Variants in ADAMTS17 observed in about 807,000 individuals in gnomAD.
ADAMTS17 encodes the protein A disintegrin and metalloproteinase with thrombospondin motifs 17.
In ADAMTS17, 113 loss-of-function variants were observed where a neutral mutation model predicts 141.5. That is an observed-to-expected ratio of 0.80 (90% confidence interval 0.69 to 0.93). ADAMTS17 has a LOEUF of 0.93. Ranked by LOEUF, ADAMTS17 falls within the 40% of genes least tolerant of loss-of-function variation. The pLI is 0.00. For synonymous variants in ADAMTS17, 768 were observed against 630.6 expected (o/e 1.22, Z -3.27); for missense variants, 1,659 against 1,517.9 (o/e 1.09, Z -1.54).
intron 18 of ADAMTS17, among the ~76,000 whole-genome samples, chr15:100,044,037 C>T (rs1452338827): frequency 2.0e-5 from 3 of 152,340 alleles, no homozygotes; most frequent in South Asian, 4.1e-4. Context: ...TTCAGTTTTG[C>T]AGTGCAGCAT....
intron 18 of ADAMTS17, among the ~76,000 whole-genome samples, chr15:100,011,007 C>G (rs2061155342): frequency 6.6e-6 from 1 of 151,990 alleles, no homozygotes; most frequent in Non-Finnish European, 1.5e-5. Context: ...GTGCGCGTCT[C>G]CGGAAGCCGG....
chr15:100,183,169 A>T (rs2141542386), intron 8 of ADAMTS17, among the ~76,000 whole-genome samples: 1 of 152,180 alleles, frequency 6.6e-6, no homozygotes, highest in East Asian at 1.9e-4. Context: ...TTGTATTTTT[A>T]GTAAAGACGG....
At chr15:100,078,059 A>G (rs1596362040) in intron 15 of ADAMTS17, among the ~76,000 whole-genome samples, 3 of 152,364 alleles carry the variant, frequency 2.0e-5, no homozygotes, top group Admixed American at 2.0e-4. Context: ...AGGGTTTGTA[A>G]GATGAAGACT....
intron 15 of ADAMTS17, among the ~76,000 whole-genome samples, chr15:100,073,158 A>G (rs1360609029): frequency 6.6e-6 from 1 of 152,246 alleles, no homozygotes; most frequent in Non-Finnish European, 1.5e-5. Context: ...AGACACGTGA[A>G]AAAATGCTCA....
At chr15:100,132,273 G>T in intron 11 of ADAMTS17, 121 bp from the exon 12 acceptor site, 1 of 1,356,500 alleles carries the variant, frequency 7.4e-7, no homozygotes, top group Non-Finnish European at 1.0e-6. Context: ...TAAAGGTACA[G>T]TCTATTTCAG....
At chr15:100,198,816 G>A (rs1199323646) in intron 8 of ADAMTS17, among the ~76,000 whole-genome samples, 1 of 152,182 alleles carries the variant, frequency 6.6e-6, no homozygotes, top group Non-Finnish European at 1.5e-5. Flanking sequence ...AGGTTCTATG[G>A]TTATTTCATC....
At chr15:99,975,593 G>A (rs1326321640) in intron 21 of ADAMTS17, among the ~76,000 whole-genome samples, 1 of 152,108 alleles carries the variant, frequency 6.6e-6, no homozygotes, top group Non-Finnish European at 1.5e-5. Flanking sequence ...CGAGCACCCA[G>A]GGCCAAACCA....
intron 18 of ADAMTS17, among the ~76,000 whole-genome samples, chr15:100,024,401 A>T (rs1457096795): frequency 6.6e-6 from 1 of 152,200 alleles, no homozygotes; most frequent in Admixed American, 6.5e-5. Context: ...TTACTCTGTC[A>T]TATAGATAGA....
At chr15:100,310,774 C>G (rs1016056130) in intron 3 of ADAMTS17, among the ~76,000 whole-genome samples, 1 of 152,202 alleles carries the variant, frequency 6.6e-6, no homozygotes, top group Non-Finnish European at 1.5e-5. Context: ...CATCCAAACG[C>G]CACGGCAGGG....
intron 7 of ADAMTS17, among the ~76,000 whole-genome samples, chr15:100,242,635 C>T (rs988312766): frequency 6.6e-6 from 1 of 152,158 alleles, no homozygotes; most frequent in Admixed American, 6.5e-5. Flanking sequence ...TCAAACCCTG[C>T]ACTATTTGTG....
chr15:100,248,255 G>A (rs1045971992), intron 7 of ADAMTS17, among the ~76,000 whole-genome samples: 1 of 152,162 alleles, frequency 6.6e-6, no homozygotes, highest in Non-Finnish European at 1.5e-5. Flanking sequence ...GCAAAAAGAA[G>A]ACTAGCTTGA....
chr15:100,119,249 G>C (rs75498868), intron 12 of ADAMTS17, among the ~76,000 whole-genome samples: 3,219 of 152,182 alleles, frequency 0.021, 102 homozygotes, highest in African/African-American at 0.063. Flanking sequence ...AAGCCGCCTG[G>C]TTGGGGGTCC....
chr15:100,083,290 T>G (rs536004426), intron 15 of ADAMTS17, among the ~76,000 whole-genome samples: 2 of 152,296 alleles, frequency 1.3e-5, no homozygotes, highest in Non-Finnish European at 2.9e-5. Context: ...TGACCCACAG[T>G]GTGCAAGCAG....
chr15:100,159,990 G>A (rs530222370), intron 8 of ADAMTS17, among the ~76,000 whole-genome samples: 1 of 152,294 alleles, frequency 6.6e-6, no homozygotes, highest in Admixed American at 6.5e-5. Flanking sequence ...TTACACAGAG[G>A]TTGCACTTGC....
intron 18 of ADAMTS17, among the ~76,000 whole-genome samples, chr15:100,020,905 TCTC>T (rs777029658): frequency 7.9e-5 from 12 of 151,968 alleles, no homozygotes; most frequent in Non-Finnish European, 1.3e-4. Flanking sequence ...ACTGGCAGCC[TCTC>T]CTCCTCATTT....
Position 100,025,108 on chromosome 15 carries a change from GTTTATAC to G in ADAMTS17, c.2591+23742_2591+23748del, listed in dbSNP as rs1282188182. ...TACATTTCTCTCTGTATCTCCTGTA[GTTTATAC>G]TTTATATAAATGGCTGCTGTGTTAT... On this transcript the variant is annotated intron_variant, in intron 18 of 21. Transcript: ENST00000268070. Among the ~76,000 whole-genome samples, 7 of 152,250 alleles carry G rather than the reference GTTTATAC, an allele frequency of 4.6e-5. No homozygotes were observed. The South Asian group carries it at 1.5e-3, about 32-fold the overall frequency.
intron 20 of ADAMTS17, among the ~76,000 whole-genome samples, chr15:99,989,407 G>A (rs996862270): frequency 2.0e-5 from 3 of 152,224 alleles, no homozygotes; most frequent in Admixed American, 6.5e-5. Context: ...GGGCGTGACC[G>A]CTAGGACCCT....
At chr15:100,337,351 G>C (rs572924481) in intron 2 of ADAMTS17, among the ~76,000 whole-genome samples, 1 of 152,196 alleles carries the variant, frequency 6.6e-6, no homozygotes, top group Admixed American at 6.5e-5. Flanking sequence ...CAGTCAGAGT[G>C]AGGTGGGCTG....
chr15:100,334,822 C>T (rs2046160264), intron 2 of ADAMTS17, among the ~76,000 whole-genome samples: 1 of 152,166 alleles, frequency 6.6e-6, no homozygotes, highest in South Asian at 2.1e-4. Context: ...CAGTGTCAGC[C>T]CTTTCAGACC....
Sources: gnomAD v4.1 joint callset for allele counts (sites outside exome capture counted in the v4.1 genomes callset) on GRCh38, gnomAD v4.1.1 for gene constraint, MANE v1.5 for transcripts, NCBI Gene and HGNC (gene_info 2026-07-23, HGNC 2026-07-21) for gene names.